Variants in TDRD12 observed in about 807,000 individuals in gnomAD.
TDRD12 encodes the protein putative ATP-dependent RNA helicase TDRD12.
In TDRD12, 158 loss-of-function variants were observed where a neutral mutation model predicts 133.5. The observed-to-expected ratio is 1.18, with a 90% CI of 1.04 to 1.35. The LOEUF (loss-of-function observed/expected upper bound fraction) is 1.35, where lower values mean the gene tolerates loss of function less well. Among genes scored for constraint, TDRD12 ranks in the 40% most tolerant of loss-of-function variants. The pLI is 0.00. For synonymous variants in TDRD12, 460 were observed against 477.9 expected (o/e 0.96, Z 0.49); for missense variants, 1,443 against 1,321.3 (o/e 1.09, Z -1.43).
chr19:32,759,008 G>C (rs10405092), intron 8 of TDRD12, among the ~76,000 whole-genome samples: 72,912 of 151,102 alleles, frequency 0.48, 17,589 homozygotes, highest in Middle Eastern at 0.54. Context: ...TTGGGAGACC[G>C]ACACAGGTGG....
chr19:32,800,556 T>G, intron 17 of TDRD12, 88 bp from the exon 18 acceptor site: 5 of 1,137,472 alleles, frequency 4.4e-6, no homozygotes, highest in Non-Finnish European at 5.9e-6. Context: ...ATACATTCTT[T>G]TCTATTAAAA....
chr19:32,780,944 C>T (rs1231959643), intron 11 of TDRD12, among the ~76,000 whole-genome samples: 1 of 126,770 alleles, frequency 7.9e-6, no homozygotes, highest in African/African-American at 3.0e-5. Flanking sequence ...TTTAATCTAT[C>T]TTTTTTTTTT....
At chr19:32,745,484 G>A (rs570885271) in intron 4 of TDRD12, among the ~76,000 whole-genome samples, 41 of 152,196 alleles carry the variant, frequency 2.7e-4, no homozygotes, top group Non-Finnish European at 5.3e-4. Context: ...TTGGGGTATG[G>A]AAAGCACTGT....
At chr19:32,774,380 C>T (rs1323078668) in intron 10 of TDRD12, among the ~76,000 whole-genome samples, 1 of 151,426 alleles carries the variant, frequency 6.6e-6, no homozygotes, top group Non-Finnish European at 1.5e-5. Context: ...ATATTTCCAT[C>T]TGGTATTATT....
At chr19:32,772,793 A>G in exon 9 of TDRD12, 1 of 1,516,276 alleles carries the variant, frequency 6.6e-7, no homozygotes, top group African/African-American at 1.4e-5. Flanking sequence ...TGAGAGATTC[A>G]CCTAAAGACA....
chr19:32,749,837 G>A, exon 6 of TDRD12: 2 of 1,549,908 alleles, frequency 1.3e-6, no homozygotes, highest in Non-Finnish European at 1.7e-6. Context: ...TACATTTGAG[G>A]TTTACCTTTA....
At chr19:32,759,222 G>T (rs567528229) in intron 8 of TDRD12, among the ~76,000 whole-genome samples, 1 of 152,282 alleles carries the variant, frequency 6.6e-6, no homozygotes, top group African/African-American at 2.4e-5. Context: ...TTGAAGGTAA[G>T]GGTGGCAACA....
In TDRD12 at chr19:32,742,794, G is replaced by T. The variant is rs1258798258; in HGVS notation, c.334G>T (p.Val112Leu). ...TTTACTTTTTAGCATCCGAGTTGTA[G>T]TAGAATCGTTTATGCAGCTTCCCTA... The change falls in exon 4 of 28, where the codon GTA (valine) becomes TTA (leucine). Residue 112 changes from valine (V) to leucine (L), a missense_variant. Val to Leu is a conservative substitution (Grantham distance 32). Coordinates refer to ENST00000444215, the Ensembl canonical transcript of TDRD12. 1.4e-5 allele frequency: 22 copies of T among 1,551,556 alleles called. No individual in the cohort carries two copies. Among genetic ancestry groups the T allele is most frequent in the Non-Finnish European group, 1.8e-5 (21 of 1,147,002 alleles).
chr19:32,806,594 A>C (rs1971557487), intron 21 of TDRD12, among the ~76,000 whole-genome samples: 1 of 151,806 alleles, frequency 6.6e-6, no homozygotes, highest in Admixed American at 6.6e-5. Flanking sequence ...CGCCCTCCTC[A>C]GCCTCCCACA....
intron 1 of TDRD12, among the ~76,000 whole-genome samples, chr19:32,729,829 C>T (rs1344029850): frequency 4.9e-4 from 55 of 112,326 alleles, no homozygotes; most frequent in Non-Finnish European, 6.1e-4. Context: ...CTTGCTCTGT[C>T]GCCCAGGCTG....
chr19:32,826,527 A>T lies in TDRD12; in HGVS notation c.979A>T (p.Arg327Ter). Residue 327 changes from arginine (R) to a stop codon, truncating the protein, a stop_gained, in exon 9 of 10, where the codon AGA becomes TGA. Coordinates refer to the TDRD12 transcript ENST00000637289. LOFTEE classifies it high-confidence loss of function. ...GAAAGATGACTGCCAATGTGTGATT[A>T]GAAACGATGAACCTGTAATCACTCT... 8.0e-7 allele frequency: 1 copy of T among 1,249,474 alleles called. No homozygotes were observed. The highest frequency in any genetic ancestry group is 3.8e-5 in the South Asian group (1 of 26,278). The allele number at this position is 1,249,474 out of a possible 1,614,324, so 77.4% of individuals were successfully genotyped here. A position where few individuals can be genotyped will look rare whatever the true frequency, so the allele number is the denominator to read the frequency against.
intron 8 of TDRD12, among the ~76,000 whole-genome samples, chr19:32,772,516 G>C (rs536153870): frequency 7.2e-5 from 11 of 152,162 alleles, no homozygotes; most frequent in Admixed American, 7.2e-4. Context: ...ATTGTGTTCC[G>C]TTATTAGCTG....
intron 8 of TDRD12, among the ~76,000 whole-genome samples, chr19:32,767,508 CT>C (rs1386359035): frequency 6.6e-6 from 1 of 152,072 alleles, no homozygotes; most frequent in Non-Finnish European, 1.5e-5. Flanking sequence ...TCAATTCTTT[CT>C]TTTTTTGAAA....
At chr19:32,777,902 G>A (rs1970655224) in intron 11 of TDRD12, among the ~76,000 whole-genome samples, 1 of 112,082 alleles carries the variant, frequency 8.9e-6, no homozygotes, top group Non-Finnish European at 1.7e-5. Flanking sequence ...GTAGGACGAG[G>A]GTCTCGCTAT....
At chr19:32,781,884 G>C (rs916914508) in intron 11 of TDRD12, among the ~76,000 whole-genome samples, 17 of 151,934 alleles carry the variant, frequency 1.1e-4, no homozygotes, top group Non-Finnish European at 2.4e-4. Flanking sequence ...CTTGTGCTGC[G>C]TGTTCTCTGT....
intron 8 of TDRD12, among the ~76,000 whole-genome samples, chr19:32,764,569 G>A (rs1480583607): frequency 6.6e-6 from 1 of 152,194 alleles, no homozygotes; most frequent in Admixed American, 6.5e-5. Context: ...TAGAAAAATA[G>A]GTGCTTTGCT....
At chr19:32,775,329 TTATATC>T (rs1401299865) in intron 10 of TDRD12, among the ~76,000 whole-genome samples, 2 of 152,182 alleles carry the variant, frequency 1.3e-5, no homozygotes, top group Non-Finnish European at 2.9e-5. Context: ...ATTCTATTTA[TTATATC>T]TATATTTTTT....
intron 1 of TDRD12, 50 bp from the exon 2 acceptor site, chr19:32,731,675 A>G (rs1163182184): frequency 4.9e-6 from 7 of 1,428,438 alleles, no homozygotes; most frequent in Non-Finnish European, 5.5e-6. Flanking sequence ...ATTTTGTGGT[A>G]CTACTTTTAA....
chr19:32,802,939 G>T, exon 21 of TDRD12: 1 of 1,535,740 alleles, frequency 6.5e-7, no homozygotes. Context: ...CTGCAGAACA[G>T]GGAGATAAGA....
Sources: allele counts gnomAD v4.1 joint callset (sites outside exome capture counted in the v4.1 genomes callset), GRCh38; gene constraint gnomAD v4.1.1; transcripts MANE v1.5; gene names NCBI Gene and HGNC (gene_info 2026-07-23, HGNC 2026-07-21).